Variants in ZNF106 observed in about 807,000 individuals in gnomAD.
ZNF106 encodes zinc finger protein 106.
ZNF106 carries 67 observed loss-of-function variants against 195.1 expected under a neutral mutation model. The observed-to-expected ratio is 0.34, with a 90% CI of 0.28 to 0.42. The LOEUF is 0.42. Among genes scored for constraint, ZNF106 ranks in the 10% least tolerant of loss-of-function variants. ZNF106 has a pLI of 1.00. For synonymous variants in ZNF106, 784 were observed against 818.6 expected (o/e 0.96, Z 0.72); for missense variants, 2,118 against 2,304.5 (o/e 0.92, Z 1.66).
rs150773032 is a variant in ZNF106, at chr15:42,451,378, G to T, written c.894C>A (p.His298Gln). 6.2e-7 allele frequency: 1 copy of T among 1,614,064 alleles called. No homozygotes were observed. The highest frequency in any genetic ancestry group is 1.1e-5 in the South Asian group (1 of 91,072). ...KKSNKSNKYSHDRYNWQRQEN... is the reference protein window; with the variant it reads ...KKSNKSNKYSQDRYNWQRQEN... ...CTTGCCGCTGCCAATTATATCTGTC[G>T]TGACTGTATTTGTTTGACTTATTAG... The change falls in exon 5 of 22, where the codon CAC becomes CAA. Residue 298 changes from histidine to glutamine, a missense_variant. By Grantham distance (24) the His-to-Gln change is conservative. Coordinates refer to ENST00000564754, the MANE Select transcript of ZNF106 (RefSeq NM_001366845.3).
chr15:42,457,890 C>T (rs1048470095), intron 3 of ZNF106, among the ~76,000 whole-genome samples: 2 of 152,182 alleles, frequency 1.3e-5, no homozygotes, highest in Non-Finnish European at 2.9e-5. Flanking sequence ...TTTAGTTAAA[C>T]TAGGCAGACT....
At position 42,444,752 on chromosome 15, in the gene ZNF106, CA is replaced by C. The variant is rs2055702950; in HGVS notation, c.3360+74del. The C allele has an allele frequency of 5.1e-6, 8 of 1,574,436 alleles. No individual in the cohort carries two copies. In the South Asian group the frequency reaches 9.6e-5, roughly 19 times the overall value. On this transcript the variant is annotated intron_variant, in intron 8 of 21. Coordinates refer to ENST00000564754, the MANE Select transcript of ZNF106 (RefSeq NM_001366845.3). ...CCTGCCATTGCTTTTGGGGTGACTC[CA>C]GACATGGGTTTGGCAGCACAAAACA...
chr15:42,424,946 C>G lies in ZNF106; in HGVS notation c.5078G>C (p.Arg1693Pro). Residue 1693 changes from arginine to proline, a missense_variant, in exon 16 of 22, where the codon CGA becomes CCA. Coordinates refer to ENST00000564754, the MANE Select transcript of ZNF106 (RefSeq NM_001366845.3). ...ATAAGACCCCACGACCAGCAGTTTT[C>G]GGGCACCTTCCTGAGCTGTAGCAAG... is the stretch of plus-strand genomic sequence containing the variant. Reference protein sequence around the residue: ...SCLATAQEGARKLLVVGSYDC... With the variant: ...SCLATAQEGAPKLLVVGSYDC... The G allele has an allele frequency of 6.2e-7, 1 of 1,614,192 alleles. No individual in the cohort carries two copies.
intron 1 of ZNF106, among the ~76,000 whole-genome samples, chr15:42,487,847 G>T (rs1267867595): frequency 6.6e-6 from 1 of 151,966 alleles, no homozygotes; most frequent in Non-Finnish European, 1.5e-5. Flanking sequence ...CTATGATTTT[G>T]ACTATCCTCC....
chr15:42,446,009 C>T (rs547167586), intron 7 of ZNF106, among the ~76,000 whole-genome samples: 1 of 152,312 alleles, frequency 6.6e-6, no homozygotes, highest in Admixed American at 6.5e-5. Flanking sequence ...AATGGCTATA[C>T]ATGACCAAGA....
chr15:42,462,826 C>A (rs1038135890), intron 3 of ZNF106, among the ~76,000 whole-genome samples: 2 of 152,192 alleles, frequency 1.3e-5, no homozygotes, highest in Admixed American at 6.6e-5. Context: ...CACTGCCACC[C>A]AGGCTGGAGT....
At chr15:42,440,999 ATATATATAT>A (rs1472862687) in intron 10 of ZNF106, among the ~76,000 whole-genome samples, 5 of 32,176 alleles carry the variant, frequency 1.6e-4, no homozygotes, top group Non-Finnish European at 3.2e-4. Flanking sequence ...AAAAAAAAAA[ATATATATAT>A]ATATATATAT....
chr15:42,438,921 C>A, intron 11 of ZNF106, 112 bp downstream of exon 11: 1 of 1,223,626 alleles, frequency 8.2e-7, no homozygotes, highest in South Asian at 1.5e-5. Context: ...ATCTCTACTG[C>A]ATTCACATAA....
intron 17 of ZNF106, among the ~76,000 whole-genome samples, chr15:42,423,059 C>G (rs1233485873): frequency 6.6e-6 from 1 of 151,968 alleles, no homozygotes; most frequent in Non-Finnish European, 1.5e-5. Context: ...TTCTGTTGTT[C>G]ATTTTTTTAA....
At chr15:42,435,278 G>C in intron 14 of ZNF106, 106 bp downstream of exon 14, 1 of 1,473,940 alleles carries the variant, frequency 6.8e-7, no homozygotes, top group East Asian at 2.3e-5. Context: ...AAGCAAAAAG[G>C]AGATGGTGGG....
At chr15:42,437,438 A>G in intron 12 of ZNF106, 61 bp from the exon 13 acceptor site, 1 of 1,581,782 alleles carries the variant, frequency 6.3e-7, no homozygotes, top group Non-Finnish European at 8.6e-7. Context: ...ATACTCAAAA[A>G]TCAGAACTAT....
At chr15:42,480,153 TG>T (rs1284693725) in intron 1 of ZNF106, among the ~76,000 whole-genome samples, 4 of 152,242 alleles carry the variant, frequency 2.6e-5, no homozygotes, top group African/African-American at 9.6e-5. Context: ...GAAAGAAGAA[TG>T]TTCAAATCTC....
In ZNF106 at chr15:42,472,319, C is replaced by CA. The variant is rs1178892971; in HGVS notation, c.-31dup. On this transcript the variant is annotated splice_region_variant and 5_prime_UTR_variant, in exon 2 of 22. Transcript: ENST00000564754. ...ACCAGATCTGAAGCACTCAACGTCA[C>CA]AGCTGCAATGAGGAAGTAACATTTA... The CA allele has an allele frequency of 2.6e-6, 4 of 1,532,056 alleles. No individual in the cohort carries two copies. Among genetic ancestry groups the CA allele is most frequent in the Non-Finnish European group, 3.5e-6 (4 of 1,144,924 alleles). 94.9% of individuals were successfully genotyped at this position (1,532,056 alleles called of 1,614,324 possible).
At chr15:42,446,737 A>C (rs2055788216) in intron 6 of ZNF106, 79 bp from the exon 7 acceptor site, 34 of 1,228,700 alleles carry the variant, frequency 2.8e-5, no homozygotes, top group Non-Finnish European at 3.8e-5. Context: ...ATCAATTCTA[A>C]GATAGCCATA....
rs181635063 is a variant in ZNF106, at chr15:42,432,457, G to C, written c.4881+2927C>G. Among the ~76,000 whole-genome samples the C allele has an allele frequency of 2.6e-5, 4 of 152,136 alleles. No individual in the cohort carries two copies. The East Asian group carries it at 7.7e-4, about 29-fold the overall frequency. On this transcript the variant is annotated intron_variant, in intron 14 of 21. Coordinates refer to ENST00000564754, the MANE Select transcript of ZNF106 (RefSeq NM_001366845.3). ...GGCATGAGCCGCAGTGCCCAGTCAC[G>C]TGTCTTAAAGTCTGCTTGCTCAATA...
chr15:42,485,781 G>A (rs2057000210), intron 1 of ZNF106, among the ~76,000 whole-genome samples: 1 of 152,044 alleles, frequency 6.6e-6, no homozygotes, highest in Admixed American at 6.6e-5. Flanking sequence ...TAAACAATGT[G>A]GTACGAAAGC....
rs542789442 is a variant in ZNF106 at position 42,440,603 on chromosome 15, G to A, written c.3764-790C>T. 2.1e-3 allele frequency among the ~76,000 whole-genome samples: 321 copies of A among 151,960 alleles called. 4 individuals carry two copies. Among genetic ancestry groups the A allele is most frequent in the African/African-American group, 7.5e-3 (313 of 41,466 alleles). On this transcript the variant is annotated intron_variant, in intron 10 of 21. Coordinates refer to ENST00000564754, the MANE Select transcript of ZNF106 (RefSeq NM_001366845.3). ...GAAAGATTGAAATAATATGTAATAC[G>A]AAAAATAATAGTACCAAAATATTTC...
chr15:42,488,447 GCA>G lies in ZNF106; in HGVS notation c.-33+2531_-33+2532del, dbSNP rs139085961. Among the ~76,000 whole-genome samples, 150 of 150,796 alleles carry G rather than the reference GCA, an allele frequency of 9.9e-4. 1 individual carries two copies. The highest frequency in any genetic ancestry group is 3.2e-3 in the African/African-American group (132 of 41,226). ...TTCAGATTAAAACATGCACAAACAT[GCA>G]CACACACACACACACTCGACTGTAG... On this transcript the variant is annotated intron_variant, in intron 1 of 21. Transcript: ENST00000564754.
At chr15:42,432,482 A>G (rs1399193794) in intron 14 of ZNF106, among the ~76,000 whole-genome samples, 2 of 152,120 alleles carry the variant, frequency 1.3e-5, no homozygotes, top group African/African-American at 4.8e-5. Context: ...CTTGCTCAAT[A>G]TTAACATAAC....
Sources: gnomAD v4.1 joint callset for allele counts (sites outside exome capture counted in the v4.1 genomes callset) on GRCh38, gnomAD v4.1.1 for gene constraint, MANE v1.5 for transcripts, NCBI Gene and HGNC (gene_info 2026-07-23, HGNC 2026-07-21) for gene names.